Variants in TRIM55 observed in about 807,000 individuals in gnomAD.
TRIM55 encodes the protein tripartite motif-containing protein 55.
Under a neutral mutation model 60.9 loss-of-function variants are expected in TRIM55, and 50 were observed. The observed-to-expected ratio is 0.82, with a 90% confidence interval of 0.65 to 1.04. TRIM55 has a LOEUF of 1.04. TRIM55 is among the 50% of genes least tolerant of loss of function. TRIM55 has a pLI of 0.00. For synonymous variants in TRIM55, 237 were observed against 238.1 expected (o/e 1.00, Z 0.04); for missense variants, 681 against 666.9 (o/e 1.02, Z -0.23).
upstream of TRIM55, among the ~76,000 whole-genome samples, chr8:66,125,405 C>T (rs557222580): frequency 3.2e-4 from 48 of 152,348 alleles, 2 homozygotes; most frequent in South Asian, 8.1e-3. Context: ...ACACACTACA[C>T]ATATCCAATG....
intron 4 of TRIM55, among the ~76,000 whole-genome samples, chr8:66,147,193 C>A (rs548147535): frequency 6.6e-6 from 1 of 152,272 alleles, no homozygotes; most frequent in East Asian, 1.9e-4. Context: ...TATGTTAATT[C>A]TTTTTTGGAT....
intron 4 of TRIM55, among the ~76,000 whole-genome samples, chr8:66,147,652 G>A (rs1300675942): frequency 2.6e-5 from 4 of 151,816 alleles, no homozygotes; most frequent in South Asian, 2.1e-4. Context: ...AAAATTAGCC[G>A]GGCAAGGTGG....
chr8:66,165,212 T>C (rs1391457562), intron 9 of TRIM55, among the ~76,000 whole-genome samples: 3 of 152,092 alleles, frequency 2.0e-5, no homozygotes, highest in Non-Finnish European at 2.9e-5. Context: ...GGAGCAACCT[T>C]TGTGAGCCCC....
At chr8:66,127,118 C>A, upstream of TRIM55, 2 of 803,348 alleles carry the variant, frequency 2.5e-6, no homozygotes, top group Non-Finnish European at 1.9e-6. Context: ...CTCCAGCACC[C>A]ACTCCAAACC....
chr8:66,161,680 A>G (rs563244625), intron 9 of TRIM55, among the ~76,000 whole-genome samples: 4 of 148,666 alleles, frequency 2.7e-5, no homozygotes, highest in South Asian at 2.1e-4. Context: ...TGTATCATCT[A>G]TGATTTCTTT....
chr8:66,152,298 G>A (rs1810474319), intron 7 of TRIM55, 79 bp from the exon 8 acceptor site: 3 of 1,496,566 alleles, frequency 2.0e-6, no homozygotes, highest in African/African-American at 2.8e-5. Context: ...CTTAACTAGG[G>A]CTATAAGCAC....
intron 2 of TRIM55, among the ~76,000 whole-genome samples, chr8:66,133,772 C>CT (rs1809311008): frequency 6.6e-6 from 1 of 152,206 alleles, no homozygotes; most frequent in South Asian, 2.1e-4. Flanking sequence ...CTGCCTTTCT[C>CT]TGAGTTCTGG....
chr8:66,124,953 A>G (rs1339898559), upstream of TRIM55, among the ~76,000 whole-genome samples: 1 of 152,116 alleles, frequency 6.6e-6, no homozygotes, highest in Admixed American at 6.5e-5. Flanking sequence ...AAAAATGCAG[A>G]CTCACTGAGC....
intron 9 of TRIM55, among the ~76,000 whole-genome samples, chr8:66,165,640 G>A (rs1045902489): frequency 6.6e-6 from 1 of 152,200 alleles, no homozygotes; most frequent in African/African-American, 2.4e-5. Context: ...TACAAATTAG[G>A]AGATTCAAGC....
chr8:66,114,418 T>C, the TRIM55 span: 1 of 413,928 alleles, frequency 2.4e-6, no homozygotes, highest in Non-Finnish European at 4.9e-6. Context: ...TTTATCCTTC[T>C]AGCTTTAAAT....
chr8:66,157,606 C>T (rs1389022752), intron 9 of TRIM55, among the ~76,000 whole-genome samples: 1 of 152,128 alleles, frequency 6.6e-6, no homozygotes, highest in Non-Finnish European at 1.5e-5. Context: ...TAGGTGGTCC[C>T]GTGTCAGAGT....
the TRIM55 span, chr8:66,115,221 T>G: frequency 2.6e-5 from 4 of 152,310 alleles, no homozygotes; most frequent in Non-Finnish European, 2.9e-5. Context: ...CCTGTATGCT[T>G]TTGTTACCAG....
the TRIM55 span, chr8:66,113,402 A>C: frequency 2.4e-6 from 1 of 419,002 alleles, no homozygotes; most frequent in Non-Finnish European, 4.8e-6. Context: ...GGAGGACTGT[A>C]GCTACTTCCT....
chr8:66,153,429 C>T (rs536099294), intron 8 of TRIM55, among the ~76,000 whole-genome samples: 1 of 152,310 alleles, frequency 6.6e-6, no homozygotes, highest in South Asian at 2.1e-4. Context: ...GCAGTGCAGA[C>T]TCATCAGAGA....
intron 4 of TRIM55, among the ~76,000 whole-genome samples, chr8:66,147,084 A>G (rs1810133390): frequency 6.6e-6 from 1 of 152,262 alleles, no homozygotes; most frequent in Non-Finnish European, 1.5e-5. Flanking sequence ...ATCTGGTATA[A>G]ATCTCTAAAA....
chr8:66,162,692 T>G (rs1372608371), intron 9 of TRIM55, among the ~76,000 whole-genome samples: 1 of 152,166 alleles, frequency 6.6e-6, no homozygotes, highest in Non-Finnish European at 1.5e-5. Flanking sequence ...CATTTCAATC[T>G]CACTGCTTGT....
rs1312987747 is a variant in TRIM55 at position 66,154,169 on chromosome 8, C to A, written c.1359C>A (p.Ala453=). The A allele has an allele frequency of 6.2e-7, 1 of 1,614,116 alleles. No individual in the cohort carries two copies. Among genetic ancestry groups the A allele is most frequent in the East Asian group, 2.2e-5 (1 of 44,882 alleles). Residue 453 remains alanine, a synonymous_variant, in exon 9 of 10, where the codon GCC becomes GCA. Transcript: ENST00000315962. ...GGTATAAAGGCCAAACCCGGAAAGCCACCACCAACCCACCTTGCACCCCAG... is the reference window on the plus strand; with the variant it reads ...GGTATAAAGGCCAAACCCGGAAAGCAACCACCAACCCACCTTGCACCCCAG... The part of the protein sequence containing the change: ...PSWYKGQTRK[A]TTNPPCTPGS...
At chr8:66,158,508 G>A (rs1252499691) in intron 9 of TRIM55, among the ~76,000 whole-genome samples, 3 of 152,196 alleles carry the variant, frequency 2.0e-5, no homozygotes, top group Middle Eastern at 3.2e-3. Context: ...CTGCTTCAGT[G>A]TCTGACTCTG....
intron 4 of TRIM55, among the ~76,000 whole-genome samples, chr8:66,149,368 A>G (rs1810277743): frequency 6.6e-6 from 1 of 152,232 alleles, no homozygotes; most frequent in South Asian, 2.1e-4. Context: ...CTTTATTTCT[A>G]TGAAATTCTC....
Sources: gnomAD v4.1 joint callset for allele counts (sites outside exome capture counted in the v4.1 genomes callset) on GRCh38, gnomAD v4.1.1 for gene constraint, MANE v1.5 for transcripts, NCBI Gene and HGNC (gene_info 2026-07-23, HGNC 2026-07-21) for gene names.